The following SH3BGRL2 variants were observed in gnomAD, a reference collection of about 807,000 sequenced individuals.
The protein encoded by SH3BGRL2 is SH3 domain binding glutamate rich protein like 2.
SH3BGRL2 carries 21 observed loss-of-function variants against 14.8 expected under a neutral mutation model. The observed-to-expected ratio is 1.42, with a 90% CI of 1.01 to 2.05. The LOEUF is 2.05. SH3BGRL2 is among the 30% of genes most tolerant of loss of function. The pLI, the probability that SH3BGRL2 is intolerant of heterozygous loss-of-function variation, is 0.00. For missense variants in SH3BGRL2, 147 were observed against 130.8 expected (o/e 1.12, Z -0.61); for synonymous variants, 50 against 47.8 (o/e 1.05, Z -0.19).
chr6:79,627,441 T>A (rs1768756025), upstream of SH3BGRL2, among the ~76,000 whole-genome samples: 1 of 152,106 alleles, frequency 6.6e-6, no homozygotes, highest in South Asian at 2.1e-4. Flanking sequence ...TTAAATAATA[T>A]CCTAAAGGTA....
At chr6:79,564,320 CTT>C in the SH3BGRL2 span, among the ~76,000 whole-genome samples, 5 of 152,116 alleles carry the variant, frequency 3.3e-5, no homozygotes, top group Non-Finnish European at 5.9e-5. Flanking sequence ...AAGACAATGA[CTT>C]TATGCCTGGC....
intron 1 of SH3BGRL2, among the ~76,000 whole-genome samples, chr6:79,654,649 C>T (rs1392053874): frequency 6.6e-6 from 1 of 152,162 alleles, no homozygotes; most frequent in Non-Finnish European, 1.5e-5. Flanking sequence ...CTGTATTATT[C>T]TTTTACTCTC....
chr6:79,654,736 C>A (rs1263025346), intron 1 of SH3BGRL2, among the ~76,000 whole-genome samples: 1 of 152,174 alleles, frequency 6.6e-6, no homozygotes. Flanking sequence ...ACTTGATGCA[C>A]ACCTGGACAA....
intron 2 of SH3BGRL2, among the ~76,000 whole-genome samples, chr6:79,690,250 C>T (rs1431104768): frequency 6.6e-6 from 1 of 152,094 alleles, no homozygotes; most frequent in East Asian, 1.9e-4. Flanking sequence ...CCTCAGCCTC[C>T]CAAAGCTCTG....
At chr6:79,554,840 A>C in the SH3BGRL2 span, among the ~76,000 whole-genome samples, 1 of 152,184 alleles carries the variant, frequency 6.6e-6, no homozygotes, top group South Asian at 2.1e-4. Flanking sequence ...TAAACTAGAT[A>C]ATTTCTTAAT....
chr6:79,668,923 A>C (rs1175164276), intron 1 of SH3BGRL2, among the ~76,000 whole-genome samples: 1 of 152,290 alleles, frequency 6.6e-6, no homozygotes, highest in Non-Finnish European at 1.5e-5. Context: ...TAGCATCCTA[A>C]GCACAATGCT....
the SH3BGRL2 span, among the ~76,000 whole-genome samples, chr6:79,584,379 G>A: frequency 2.0e-5 from 3 of 152,140 alleles, no homozygotes. Flanking sequence ...AGTGGGGGAT[G>A]CTAAAGGATT....
At chr6:79,585,335 T>C in the SH3BGRL2 span, among the ~76,000 whole-genome samples, 1 of 152,192 alleles carries the variant, frequency 6.6e-6, no homozygotes, top group African/African-American at 2.4e-5. Flanking sequence ...AAAAAAATCT[T>C]TATGTCTTTC....
the SH3BGRL2 span, among the ~76,000 whole-genome samples, chr6:79,591,997 ACAGCCCGAGAAAGTGCTG>A: frequency 6.6e-6 from 1 of 152,178 alleles, no homozygotes; most frequent in African/African-American, 2.4e-5. Flanking sequence ...TTTTTTATGC[ACAGCCCGAGAAAGTGCTG>A]CCTTTCAGAG....
intron 2 of SH3BGRL2, among the ~76,000 whole-genome samples, chr6:79,692,873 G>A (rs1241239939): frequency 2.0e-5 from 3 of 152,182 alleles, no homozygotes; most frequent in Non-Finnish European, 4.4e-5. Flanking sequence ...CTTTAAAGTA[G>A]TTTTTTCCAA....
chr6:79,603,951 C>T, the SH3BGRL2 span, among the ~76,000 whole-genome samples: 15,724 of 152,056 alleles, frequency 0.1, 1,670 homozygotes, highest in East Asian at 0.57. Context: ...ATTACAGGTG[C>T]GCGTTACCAC....
chr6:79,663,468 C>G (rs1360375062), intron 1 of SH3BGRL2, among the ~76,000 whole-genome samples: 1 of 152,056 alleles, frequency 6.6e-6, no homozygotes, highest in Non-Finnish European at 1.5e-5. Context: ...CTGGGTATCA[C>G]CAGCAGAGGC....
chr6:79,699,576 T>G lies in SH3BGRL2; in HGVS notation c.*67T>G. 6.8e-7 allele frequency: 1 copy of G among 1,461,944 alleles called. No individual in the cohort carries two copies. Among genetic ancestry groups the G allele is most frequent in the Non-Finnish European group, 9.1e-7 (1 of 1,102,742 alleles). 90.6% of individuals were successfully genotyped at this position (1,461,944 alleles called of 1,614,324 possible). ...CCCTGGTACTCAGCACACACATGCT[T>G]ACCTAATGCATCACTGTGACAAAAG... On this transcript the variant is annotated 3_prime_UTR_variant, in exon 4 of 4. Transcript: ENST00000369838.
chr6:79,640,013 G>C (rs537494935), intron 1 of SH3BGRL2, among the ~76,000 whole-genome samples: 65 of 152,294 alleles, frequency 4.3e-4, no homozygotes, highest in Middle Eastern at 6.8e-3. Flanking sequence ...GTTGTCTTTT[G>C]AGGGTCCTCC....
chr6:79,570,480 T>C, the SH3BGRL2 span, among the ~76,000 whole-genome samples: 1 of 152,146 alleles, frequency 6.6e-6, no homozygotes, highest in Admixed American at 6.6e-5. Context: ...ATATAAAAGG[T>C]AAAGAAGACA....
chr6:79,667,980 A>T (rs1293854170), intron 1 of SH3BGRL2, among the ~76,000 whole-genome samples: 1 of 69,858 alleles, frequency 1.4e-5, no homozygotes, highest in African/African-American at 5.6e-5. Flanking sequence ...TTCTTATTCA[A>T]TCTCAATGTT....
intron 2 of SH3BGRL2, among the ~76,000 whole-genome samples, chr6:79,689,523 TC>T (rs1168652860): frequency 2.0e-5 from 3 of 152,172 alleles, no homozygotes; most frequent in African/African-American, 7.2e-5. Flanking sequence ...TTACATATTT[TC>T]TCTGCATGAG....
intron 2 of SH3BGRL2, among the ~76,000 whole-genome samples, chr6:79,691,359 TTTATTA>T (rs955596597): frequency 6.6e-6 from 1 of 151,938 alleles, no homozygotes; most frequent in Non-Finnish European, 1.5e-5. Context: ...TTTTTTAAAT[TTTATTA>T]TTATTATACT....
At chr6:79,633,654 T>A (rs777073797) in intron 1 of SH3BGRL2, among the ~76,000 whole-genome samples, 41 of 152,284 alleles carry the variant, frequency 2.7e-4, no homozygotes, top group Admixed American at 3.3e-4. Context: ...GAAGACCCAG[T>A]CTTTTCAGGT....
Sources: allele counts gnomAD v4.1 joint callset (sites outside exome capture counted in the v4.1 genomes callset), GRCh38; gene constraint gnomAD v4.1.1; transcripts MANE v1.5; gene names NCBI Gene and HGNC (gene_info 2026-07-23, HGNC 2026-07-21).